NCALD: variants seen among roughly 807,000 people sequenced by gnomAD.
The protein encoded by NCALD is neurocalcin-delta.
Under a neutral mutation model 18.6 loss-of-function variants are expected in NCALD, and 10 were observed. That is an observed-to-expected ratio of 0.54 (90% confidence interval 0.33 to 0.91). The LOEUF (loss-of-function observed/expected upper bound fraction) is 0.91. Among genes scored for constraint, NCALD ranks in the 40% least tolerant of loss-of-function variants. The probability of loss-of-function intolerance (pLI) is 0.03; values close to 1 mark genes in which losing one functional copy is unlikely to be tolerated. For missense variants in NCALD, 184 were observed against 247.6 expected (o/e 0.74, Z 1.72); for synonymous variants, 88 against 87.4 (o/e 1.01, Z -0.04).
intron 1 of NCALD, among the ~76,000 whole-genome samples, chr8:101,776,169 A>C (rs1811782987): frequency 6.6e-6 from 1 of 152,204 alleles, no homozygotes; most frequent in Non-Finnish European, 1.5e-5. Flanking sequence ...CCCAAAGACA[A>C]GAGATGAATG....
intron 2 of NCALD, among the ~76,000 whole-genome samples, chr8:101,922,934 C>G (rs1407200904): frequency 1.3e-5 from 2 of 152,128 alleles, no homozygotes; most frequent in Non-Finnish European, 2.9e-5. Context: ...ATTTCTCTCT[C>G]TCTCAAAATA....
At chr8:101,993,028 A>G (rs751786304) in intron 2 of NCALD, among the ~76,000 whole-genome samples, 1 of 147,110 alleles carries the variant, frequency 6.8e-6, no homozygotes, top group Non-Finnish European at 1.5e-5. Flanking sequence ...TGGTGGTCTC[A>G]TGCTTATTAG....
At chr8:102,099,981 C>CAAAAAA (rs1360552443) in intron 1 of NCALD, among the ~76,000 whole-genome samples, 2 of 73,298 alleles carry the variant, frequency 2.7e-5, no homozygotes, top group Non-Finnish European at 5.7e-5. Context: ...GACTCTGTCT[C>CAAAAAA]AAAAAAAAAA....
chr8:101,838,385 C>T (rs1401434643), intron 4 of NCALD, among the ~76,000 whole-genome samples: 1 of 152,090 alleles, frequency 6.6e-6, no homozygotes, highest in African/African-American at 2.4e-5. Flanking sequence ...CAATGCCCAG[C>T]TAATTTTTGT....
Position 101,760,001 on chromosome 8 carries a change from G to GGGTT in NCALD, c.-20+30857_-20+30860dup, listed in dbSNP as rs1232656421. Among the ~76,000 whole-genome samples the GGGTT allele has an allele frequency of 2.6e-5, 4 of 152,234 alleles. No homozygotes were observed. In the East Asian group the frequency reaches 5.8e-4, roughly 22 times the overall value. ...TCCCAAGGCCACACCAGACCCCAAG[G>GGGTT]GGTTGGTCAAGTCAAAGATGGTGGG... On this transcript the variant is annotated intron_variant, in intron 1 of 3. Transcript: ENST00000220931.
intron 1 of NCALD, among the ~76,000 whole-genome samples, chr8:102,090,548 C>T (rs1371733468): frequency 3.3e-5 from 5 of 152,146 alleles, no homozygotes; most frequent in East Asian, 1.9e-4. Context: ...CAGGAGTTAA[C>T]GGCAGGGACT....
At chr8:101,734,838 G>A (rs1817002886) in intron 1 of NCALD, among the ~76,000 whole-genome samples, 1 of 152,220 alleles carries the variant, frequency 6.6e-6, no homozygotes, top group Non-Finnish European at 1.5e-5. Flanking sequence ...TCTCAGTAAA[G>A]AAATCTGTGT....
intron 4 of NCALD, among the ~76,000 whole-genome samples, chr8:101,803,513 G>A (rs1410511075): frequency 1.3e-5 from 2 of 152,200 alleles, no homozygotes; most frequent in Admixed American, 6.5e-5. Context: ...TTTAAGAAGT[G>A]CATTTCATAA....
At chr8:101,990,758 A>T (rs1821013443) in intron 2 of NCALD, among the ~76,000 whole-genome samples, 1 of 152,192 alleles carries the variant, frequency 6.6e-6, no homozygotes, top group Non-Finnish European at 1.5e-5. Flanking sequence ...GTATATCTTT[A>T]TCAGCAGCAT....
intron 4 of NCALD, among the ~76,000 whole-genome samples, chr8:101,838,221 C>A (rs1178758105): frequency 6.6e-6 from 1 of 151,320 alleles, no homozygotes; most frequent in Non-Finnish European, 1.5e-5. Flanking sequence ...TTAAGTGTTT[C>A]TTTTATTTTC....
chr8:101,736,146 G>T (rs746098028), intron 1 of NCALD, among the ~76,000 whole-genome samples: 1 of 152,128 alleles, frequency 6.6e-6, no homozygotes, highest in South Asian at 2.1e-4. Context: ...TAAAAACCCC[G>T]AGCTGTCTCT....
chr8:101,719,674 T>C (rs999271053), intron 1 of NCALD, 26 bp from the exon 2 acceptor site: 1 of 1,522,604 alleles, frequency 6.6e-7, no homozygotes, highest in Admixed American at 2.3e-5. Context: ...AAAACATATA[T>C]AATTTGTAGA....
intron 4 of NCALD, among the ~76,000 whole-genome samples, chr8:101,865,688 G>A (rs903166407): frequency 5.9e-5 from 9 of 151,934 alleles, no homozygotes; most frequent in Non-Finnish European, 1.3e-4. Flanking sequence ...GAATTCACAG[G>A]TCATGCTCTC....
chr8:101,772,672 C>T (rs1811633113), intron 1 of NCALD, among the ~76,000 whole-genome samples: 2 of 152,166 alleles, frequency 1.3e-5, no homozygotes, highest in Non-Finnish European at 2.9e-5. Flanking sequence ...TGCCATTTGG[C>T]CTCCTGGTAC....
At chr8:101,696,552 G>A (rs1815001981) in intron 2 of NCALD, among the ~76,000 whole-genome samples, 1 of 152,166 alleles carries the variant, frequency 6.6e-6, no homozygotes, top group African/African-American at 2.4e-5. Flanking sequence ...CAGAGTGTGG[G>A]GGCGTTCAGT....
At chr8:102,002,480 TTAA>T (rs1821514297) in intron 2 of NCALD, among the ~76,000 whole-genome samples, 1 of 151,960 alleles carries the variant, frequency 6.6e-6, no homozygotes, top group Non-Finnish European at 1.5e-5. Context: ...AGACAGAAAG[TTAA>T]CAAGGATATC....
intron 4 of NCALD, among the ~76,000 whole-genome samples, chr8:101,872,882 G>A (rs1169371670): frequency 6.6e-6 from 1 of 152,162 alleles, no homozygotes; most frequent in Non-Finnish European, 1.5e-5. Flanking sequence ...TCCAAGCTGA[G>A]CCCCTCTGTG....
intron 2 of NCALD, among the ~76,000 whole-genome samples, chr8:102,018,630 A>C (rs781050636): frequency 3.3e-5 from 5 of 152,210 alleles, no homozygotes; most frequent in Non-Finnish European, 5.9e-5. Context: ...TTCAAGTGTT[A>C]GATACATTCT....
At chr8:102,037,373 C>T (rs757284327) in intron 1 of NCALD, among the ~76,000 whole-genome samples, 10 of 148,724 alleles carry the variant, frequency 6.7e-5, no homozygotes, top group Non-Finnish European at 1.1e-4. Flanking sequence ...TGCTCTTAAC[C>T]AACATACAAT....
Sources: allele counts gnomAD v4.1 joint callset (sites outside exome capture counted in the v4.1 genomes callset), GRCh38; gene constraint gnomAD v4.1.1; transcripts MANE v1.5; gene names NCBI Gene and HGNC (gene_info 2026-07-23, HGNC 2026-07-21).